Variants in RRP15 observed in about 807,000 individuals in gnomAD.
RRP15 encodes RRP15-like protein.
Under a neutral mutation model 27.1 loss-of-function variants are expected in RRP15, and 18 were observed. The ratio of observed to expected loss-of-function variants is 0.66; its 90% confidence interval spans 0.46 to 0.98. The LOEUF (loss-of-function observed/expected upper bound fraction) is 0.98. Ranked by LOEUF, RRP15 falls within the 50% of genes least tolerant of loss-of-function variation. RRP15 has a pLI of 0.00. For synonymous variants in RRP15, 107 were observed against 109.4 expected (o/e 0.98, Z 0.14); for missense variants, 359 against 337.8 (o/e 1.06, Z -0.49).
chr1:218,292,753 C>G (rs144126403), intron 1 of RRP15, among the ~76,000 whole-genome samples: 1 of 152,336 alleles, frequency 6.6e-6, no homozygotes, highest in African/African-American at 2.4e-5. Context: ...CTCTCAGGCT[C>G]ACATCTTGTC....
intron 4 of RRP15, among the ~76,000 whole-genome samples, chr1:218,311,623 C>A (rs781095386): frequency 1.3e-5 from 2 of 152,182 alleles, no homozygotes; most frequent in Non-Finnish European, 2.9e-5. Context: ...CATTTTGCAA[C>A]ATTGCTTTAT....
chr1:218,311,559 GA>G (rs1297694037), intron 4 of RRP15, among the ~76,000 whole-genome samples: 3 of 151,918 alleles, frequency 2.0e-5, no homozygotes, highest in Non-Finnish European at 2.9e-5. Flanking sequence ...TATTTCTTGT[GA>G]TCATCCTGCT....
chr1:218,286,904 A>C (rs535768949), intron 1 of RRP15, among the ~76,000 whole-genome samples: 2 of 152,160 alleles, frequency 1.3e-5, no homozygotes, highest in Non-Finnish European at 2.9e-5. Flanking sequence ...AGGGAAGAGT[A>C]CTATATTTGC....
chr1:218,287,428 A>C (rs1655567332), intron 1 of RRP15, among the ~76,000 whole-genome samples: 1 of 152,168 alleles, frequency 6.6e-6, no homozygotes, highest in African/African-American at 2.4e-5. Context: ...GTTTTTGGCC[A>C]ATATGGAAAC....
intron 1 of RRP15, among the ~76,000 whole-genome samples, chr1:218,288,562 A>G (rs1213893885): frequency 6.6e-6 from 1 of 152,230 alleles, no homozygotes; most frequent in Non-Finnish European, 1.5e-5. Flanking sequence ...ACTTCTGTAC[A>G]TAAGCAGATA....
At chr1:218,295,805 A>G (rs1290840089) in intron 1 of RRP15, among the ~76,000 whole-genome samples, 3 of 152,222 alleles carry the variant, frequency 2.0e-5, no homozygotes, top group East Asian at 3.8e-4. Flanking sequence ...GGCTTGCCCA[A>G]TAGCACATGT....
At chr1:218,306,865 T>C (rs964470748) in intron 3 of RRP15, among the ~76,000 whole-genome samples, 4 of 152,206 alleles carry the variant, frequency 2.6e-5, no homozygotes, top group Non-Finnish European at 5.9e-5. Flanking sequence ...TACTGAGTCT[T>C]TGAAATCTGG....
At chr1:218,323,515 A>G (rs561720201) in intron 4 of RRP15, among the ~76,000 whole-genome samples, 7 of 152,286 alleles carry the variant, frequency 4.6e-5, no homozygotes, top group African/African-American at 1.4e-4. Flanking sequence ...AAAAAGCACT[A>G]CAAGTTCCCA....
rs894884825 is a variant in RRP15 at position 218,336,062 on chromosome 1, G to A, written c.*4971G>A. On this transcript the variant is annotated 3_prime_UTR_variant, in exon 5 of 5. Coordinates refer to ENST00000366932, the MANE Select transcript of RRP15 (RefSeq NM_016052.4). The stretch of plus-strand genomic sequence containing the variant: ...AAAGGACATTTTGAGAACTGCCGGA[G>A]CAACAGATACCACCATGTAAGGAGT... 6.6e-6 allele frequency: 1 copy of A among 152,098 alleles called. No individual in the cohort carries two copies. The highest frequency in any genetic ancestry group is 1.5e-5 in the Non-Finnish European group (1 of 68,016). 9.4% of individuals were successfully genotyped at this position (152,098 alleles called of 1,614,324 possible). A position where few individuals can be genotyped will look rare whatever the true frequency, so the allele number is the denominator to read the frequency against.
rs2102520519 is a variant in RRP15, at chr1:218,334,322, A to T, written c.*3231A>T. On this transcript the variant is annotated 3_prime_UTR_variant, in exon 5 of 5. Transcript: ENST00000366932. ...GGGTTACCACTAGTACTTAGAGCCT[A>T]AAGTCACTCAGTAGGAGGTTCTCAA... 1 of 152,358 alleles carries T rather than the reference A, an allele frequency of 6.6e-6. No homozygotes were observed. Among genetic ancestry groups the T allele is most frequent in the Admixed American group, 6.5e-5 (1 of 15,308 alleles). 9.4% of individuals were successfully genotyped at this position (152,358 alleles called of 1,614,324 possible).
chr1:218,290,667 C>T (rs1010326002), intron 1 of RRP15, among the ~76,000 whole-genome samples: 1 of 152,142 alleles, frequency 6.6e-6, no homozygotes, highest in Admixed American at 6.5e-5. Flanking sequence ...TGAGGTTTTG[C>T]CATGTTGCTC....
rs1656431157 is a variant in RRP15 at position 218,335,246 on chromosome 1, G to A, written c.*4155G>A. The A allele has an allele frequency of 6.6e-6, 1 of 152,000 alleles. No homozygotes were observed. Among genetic ancestry groups the A allele is most frequent in the African/African-American group, 2.4e-5 (1 of 41,386 alleles). 9.4% of individuals were successfully genotyped at this position (152,000 alleles called of 1,614,324 possible). On this transcript the variant is annotated 3_prime_UTR_variant, in exon 5 of 5. Transcript: ENST00000366932. ...TTTAGGACTTTTTACCTAGAGATGCGGTAAACCTTTTAAATTTAAATTTGC... is the reference window on the plus strand; with the variant it reads ...TTTAGGACTTTTTACCTAGAGATGCAGTAAACCTTTTAAATTTAAATTTGC...
At chr1:218,291,082 T>C (rs996411043) in intron 1 of RRP15, among the ~76,000 whole-genome samples, 3 of 152,072 alleles carry the variant, frequency 2.0e-5, no homozygotes. Context: ...GAGACTGCAG[T>C]GAGCTGTGAC....
rs1656363141 is a variant in RRP15, at chr1:218,331,233, T to C, written c.*142T>C. ...AGATTTCATATTTCCCCTTTTCATG[T>C]ACACTTTATATATACTTCATTAAAA... is the stretch of plus-strand genomic sequence containing the variant. On this transcript the variant is annotated 3_prime_UTR_variant, in exon 5 of 5. Coordinates refer to ENST00000366932, the MANE Select transcript of RRP15 (RefSeq NM_016052.4). The C allele has an allele frequency of 3.1e-6, 2 of 643,020 alleles. No homozygotes were observed. Among genetic ancestry groups the C allele is most frequent in the Non-Finnish European group, 5.2e-6 (2 of 384,622 alleles). The allele number at this position is 643,020 out of a possible 1,614,324, so 39.8% of individuals were successfully genotyped here. A position where few individuals can be genotyped will look rare whatever the true frequency, so the allele number is the denominator to read the frequency against.
In RRP15 at chr1:218,336,115, A is replaced by G. The variant is rs188036777; in HGVS notation, c.*5024A>G. The G allele has an allele frequency of 2.6e-4, 39 of 152,250 alleles. No individual in the cohort carries two copies. The highest frequency in any genetic ancestry group is 9.4e-4 in the African/African-American group (39 of 41,526). 9.4% of individuals were successfully genotyped at this position (152,250 alleles called of 1,614,324 possible). On this transcript the variant is annotated 3_prime_UTR_variant, in exon 5 of 5. Transcript: ENST00000366932. ...ATTCCCATGTTTTTCACTTATATCTAGAGGCCTACTTATTTAGGAGGTTTC... is the reference window on the plus strand; with the variant it reads ...ATTCCCATGTTTTTCACTTATATCTGGAGGCCTACTTATTTAGGAGGTTTC...
chr1:218,298,468 A>G (rs1397504037), intron 1 of RRP15, among the ~76,000 whole-genome samples: 4 of 152,152 alleles, frequency 2.6e-5, no homozygotes, highest in Admixed American at 6.5e-5. Flanking sequence ...ATCACTCATA[A>G]GTGCTCAGTG....
At chr1:218,285,558 T>C in intron 1 of RRP15, 103 bp downstream of exon 1, 1 of 1,502,208 alleles carries the variant, frequency 6.7e-7, no homozygotes, top group Non-Finnish European at 9.1e-7. Flanking sequence ...ACCTGGGTTT[T>C]ATCTTGGCAC....
chr1:218,296,224 G>C (rs570984353), intron 1 of RRP15, among the ~76,000 whole-genome samples: 56 of 152,244 alleles, frequency 3.7e-4, no homozygotes, highest in African/African-American at 1.3e-3. Flanking sequence ...TTGAATCTCT[G>C]ATACAAAACT....
intron 1 of RRP15, among the ~76,000 whole-genome samples, chr1:218,286,082 A>C (rs1363726820): frequency 6.6e-6 from 1 of 152,192 alleles, no homozygotes; most frequent in East Asian, 1.9e-4. Flanking sequence ...TTAGGTTACA[A>C]GGAATTGCAG....
Sources: allele counts gnomAD v4.1 joint callset (sites outside exome capture counted in the v4.1 genomes callset), GRCh38; gene constraint gnomAD v4.1.1; transcripts MANE v1.5; gene names NCBI Gene and HGNC (gene_info 2026-07-23, HGNC 2026-07-21).